FBH1: variants seen among roughly 807,000 people sequenced by gnomAD.
The protein encoded by FBH1 is F-box DNA helicase 1.
A neutral mutation model predicts 115.5 loss-of-function variants in FBH1; 43 were observed. The ratio of observed to expected loss-of-function variants is 0.37; its 90% CI spans 0.29 to 0.48. FBH1 has a LOEUF of 0.48. Ranked by LOEUF, FBH1 falls within the 20% of genes least tolerant of loss-of-function variation. The pLI is 0.99. For synonymous variants in FBH1, 524 were observed against 507.8 expected (o/e 1.03, Z -0.43); for missense variants, 1,001 against 1,337.3 (o/e 0.75, Z 3.92).
rs769824731 is a variant in FBH1, at chr10:5,916,330, G to A, written c.1662G>A (p.Lys554=). ...AEGKGGFIRA[K]LVCKTLENFF... ...GGAAGGGTGGATTCATAAGAGCCAA[G>A]CTTGTGTGTAAGACTCTAGAAAACT... The change falls in exon 10 of 21, where the codon AAG becomes AAA. Residue 554 remains lysine (K), a synonymous_variant. Transcript: ENST00000362091. 1.1e-5 allele frequency: 17 copies of A among 1,614,092 alleles called. No individual in the cohort carries two copies. The highest frequency in any genetic ancestry group is 1.3e-5 in the African/African-American group (1 of 74,916).
Position 5,918,816 on chromosome 10 carries a change from C to T in FBH1, c.2100+338C>T, listed in dbSNP as rs542684047. 6.6e-6 allele frequency among the ~76,000 whole-genome samples: 1 copy of T among 152,296 alleles called. No individual in the cohort carries two copies. Among genetic ancestry groups the T allele is most frequent in the East Asian group, 1.9e-4 (1 of 5,192 alleles). On this transcript the variant is annotated intron_variant, in intron 13 of 20. Transcript: ENST00000362091. This position sits in a 1 kb window ranked among gnomAD's most constrained non-coding sequence, Gnocchi z 4.0. ...TTTCAAAGACAAGTGAAACAAGCTG[C>T]GACTTCAGGGAAAATAACTGACAGT...
In FBH1 at chr10:5,921,706, C is replaced by A; in HGVS notation, c.2322+137C>A. 1 of 1,152,566 alleles carries A rather than the reference C, an allele frequency of 8.7e-7. No individual in the cohort carries two copies. The allele number at this position is 1,152,566 out of a possible 1,614,324, so 71.4% of individuals were successfully genotyped here. A position where few individuals can be genotyped will look rare whatever the true frequency, so the allele number is the denominator to read the frequency against. The stretch of plus-strand genomic sequence containing the variant: ...TTTGACTCTTTCCACCAGGCTGCAC[C>A]ATGAGTGGTCTCTATCCCAGGCCAT... On this transcript the variant is annotated intron_variant, in intron 15 of 20. Transcript: ENST00000362091. The surrounding 1 kb of genome is among the most constrained non-coding windows in gnomAD (Gnocchi z 6.4).
chr10:5,899,186 C>A (rs1843186371), intron 1 of FBH1, among the ~76,000 whole-genome samples: 1 of 152,208 alleles, frequency 6.6e-6, no homozygotes, highest in East Asian at 1.9e-4. Flanking sequence ...TTTTCGTTGA[C>A]TTTCAGAAGC....
chr10:5,903,048 T>C lies in FBH1; in HGVS notation c.30T>C (p.Thr10=), dbSNP rs1843454439. Residue 10 remains threonine (T), a synonymous_variant, in exon 2 of 21, where the codon ACT becomes ACC. Coordinates refer to ENST00000362091, the MANE Select transcript of FBH1 (RefSeq NM_178150.3). MRRFKRKHL[T]AIDCQHLARS... The stretch of plus-strand genomic sequence containing the variant: ...GACGGTTTAAGCGGAAGCATCTTAC[T>C]GCCATTGACTGCCAGCATTTGGCTC... 2.0e-5 allele frequency: 32 copies of C among 1,613,226 alleles called. No homozygotes were observed. Among genetic ancestry groups the C allele is most frequent in the Non-Finnish European group, 2.7e-5 (32 of 1,179,562 alleles).
In FBH1 at chr10:5,918,387, T is replaced by C; in HGVS notation, c.2009T>C (p.Val670Ala). ...VLSQPCGKIF[V>A]GDPHQQIYTF... ...TCTCAGCCATGTGGGAAAATCTTTG[T>C]AGGGGACCCGCACCAGCAGATCTAT... Residue 670 changes from valine (V) to alanine (A), a missense_variant, in exon 13 of 21, where the codon GTA becomes GCA. This residue lies in a region of FBH1 where 521 missense variants were observed against 811.0 expected (regional missense o/e 0.64). Transcript: ENST00000362091. This position sits in a 1 kb window ranked among gnomAD's most constrained non-coding sequence, Gnocchi z 4.0. 6.2e-7 allele frequency: 1 copy of C among 1,613,638 alleles called. No homozygotes were observed. The highest frequency in any genetic ancestry group is 8.5e-7 in the Non-Finnish European group (1 of 1,179,870).
intron 18 of FBH1, among the ~76,000 whole-genome samples, chr10:5,926,116 CTTCTTA>C (rs1375581277): frequency 0.019 from 1,442 of 74,228 alleles, 9 homozygotes; most frequent in East Asian, 0.11. Context: ...TATTCTTATT[CTTCTTA>C]TTATTATTAT....
intron 15 of FBH1, among the ~76,000 whole-genome samples, chr10:5,922,869 G>T (rs1156802025): frequency 6.6e-6 from 1 of 152,128 alleles, no homozygotes; most frequent in Non-Finnish European, 1.5e-5. Flanking sequence ...AGAATAATCT[G>T]GACCTAGAGA....
intron 19 of FBH1, among the ~76,000 whole-genome samples, chr10:5,927,965 G>A (rs1289696322): frequency 6.6e-6 from 1 of 151,028 alleles, no homozygotes; most frequent in Non-Finnish European, 1.5e-5. Flanking sequence ...CCAGCTACTC[G>A]GGAGGCTGAG....
rs1257946304 is a variant in FBH1, at chr10:5,933,426, G to C, written c.2830-3030G>C. 1.3e-5 allele frequency among the ~76,000 whole-genome samples: 2 copies of C among 152,166 alleles called. No individual in the cohort carries two copies. Among genetic ancestry groups the C allele is most frequent in the Admixed American group, 6.5e-5 (1 of 15,268 alleles). Reference sequence around the variant, plus strand: ...AAAAAAGTGAAGTAGACTTTTTAAAGCTGATTGGAAGGTTGTCAGTTGGTT... The same window carrying C: ...AAAAAAGTGAAGTAGACTTTTTAAACCTGATTGGAAGGTTGTCAGTTGGTT... On this transcript the variant is annotated intron_variant, in intron 19 of 20. Transcript: ENST00000362091. This position sits in a 1 kb window ranked among gnomAD's most constrained non-coding sequence, Gnocchi z 4.9.
chr10:5,920,725 C>T (rs960298466), intron 13 of FBH1, among the ~76,000 whole-genome samples: 11 of 152,164 alleles, frequency 7.2e-5, no homozygotes, highest in African/African-American at 1.4e-4. Flanking sequence ...GTACACACCC[C>T]GAGTGTAGGG....
At chr10:5,907,299 AT>A (rs913465584) in intron 3 of FBH1, among the ~76,000 whole-genome samples, 1 of 151,788 alleles carries the variant, frequency 6.6e-6, no homozygotes, top group Non-Finnish European at 1.5e-5. Flanking sequence ...GAGTGTAAGC[AT>A]TTATAGCAAT....
At chr10:5,919,609 T>A (rs1472092176) in intron 13 of FBH1, among the ~76,000 whole-genome samples, 2 of 152,238 alleles carry the variant, frequency 1.3e-5, no homozygotes, top group Non-Finnish European at 2.9e-5. Context: ...GATTTTTAAG[T>A]GTGAAGCATC....
rs570734492 is a variant in FBH1, at chr10:5,896,854, T to G, written c.2-6166T>G. 2.0e-5 allele frequency among the ~76,000 whole-genome samples: 3 copies of G among 152,278 alleles called. No individual in the cohort carries two copies. The South Asian group carries it at 6.2e-4, about 32-fold the overall frequency. On this transcript the variant is annotated intron_variant, in intron 1 of 20. Transcript: ENST00000362091. ...TACAGGAGGTGTAAAGTGCACTTGC[T>G]GTGTAGAGAGGGAGGCATACCATGA...
In FBH1 at chr10:5,917,160, CT is replaced by C. The variant is rs747627864; in HGVS notation, c.1789-256del. Reference sequence around the variant, plus strand: ...CATAAATCTAGAAGAACAATTTGGCCTTTTCTGGTTCACCTAACTGTTATGA... The same window carrying C: ...CATAAATCTAGAAGAACAATTTGGCCTTTCTGGTTCACCTAACTGTTATGA... On this transcript the variant is annotated intron_variant, in intron 10 of 20. Coordinates refer to ENST00000362091, the MANE Select transcript of FBH1 (RefSeq NM_178150.3). This position sits in a 1 kb window ranked among gnomAD's most constrained non-coding sequence, Gnocchi z 5.6. 6.5e-6 allele frequency: 3 copies of C among 462,882 alleles called. No individual in the cohort carries two copies. Among genetic ancestry groups the C allele is most frequent in the Non-Finnish European group, 1.2e-5 (3 of 255,444 alleles). 28.7% of individuals were successfully genotyped at this position (462,882 alleles called of 1,614,324 possible).
intron 1 of FBH1, among the ~76,000 whole-genome samples, chr10:5,893,033 C>T (rs780494099): frequency 1.3e-5 from 2 of 152,196 alleles, no homozygotes; most frequent in Non-Finnish European, 2.9e-5. Context: ...AGGCCGGGCG[C>T]GGTGGCTGAC....
intron 3 of FBH1, among the ~76,000 whole-genome samples, chr10:5,907,494 G>A (rs1317803552): frequency 1.7e-5 from 2 of 118,388 alleles, no homozygotes; most frequent in Non-Finnish European, 3.4e-5. Flanking sequence ...TTTTTTTTGA[G>A]ACAGAGTCTT....
At chr10:5,889,678 C>T (rs548164965), upstream of FBH1, 208 of 175,876 alleles carry the variant, frequency 1.2e-3, no homozygotes, top group Middle Eastern at 4.7e-3. Context: ...CCTGGGGATC[C>T]GAGAGCGCTG....
chr10:5,890,119 C>A (rs923050168), upstream of FBH1: 1 of 322,834 alleles, frequency 3.1e-6, no homozygotes, highest in Admixed American at 4.9e-5. Context: ...GTCAGCACGC[C>A]CCCTCCGGTC....
chr10:5,928,148 C>CT (rs753773157), intron 19 of FBH1, among the ~76,000 whole-genome samples: 4,883 of 114,842 alleles, frequency 0.043, 210 homozygotes, highest in East Asian at 0.17. Context: ...TCAATTAGTT[C>CT]TTTTTTTTTT....
Sources: gnomAD v4.1 joint callset for allele counts (sites outside exome capture counted in the v4.1 genomes callset) on GRCh38, gnomAD v4.1.1 for gene constraint, gnomAD v4.1.1 regional missense constraint, Gnocchi (gnomAD v3.1) non-coding constraint, MANE v1.5 for transcripts, NCBI Gene and HGNC (gene_info 2026-07-23, HGNC 2026-07-21) for gene names.